Variants in DSCAM observed in about 807,000 individuals in gnomAD.
The protein encoded by DSCAM is cell adhesion molecule DSCAM.
DSCAM carries 47 observed loss-of-function variants against 217.7 expected under a neutral mutation model. The ratio of observed to expected loss-of-function variants is 0.22; its 90% CI spans 0.17 to 0.28. The LOEUF (loss-of-function observed/expected upper bound fraction) is 0.28, where lower values mean the gene tolerates loss of function less well. Among genes scored for constraint, DSCAM ranks in the 10% least tolerant of loss-of-function variants. DSCAM has a pLI of 1.00. For synonymous variants in DSCAM, 1,056 were observed against 1,015.3 expected (o/e 1.04, Z -0.76); for missense variants, 2,080 against 2,618.3 (o/e 0.79, Z 4.49).
chr21:40,666,275 T>C (rs2090198457), intron 3 of DSCAM, among the ~76,000 whole-genome samples: 1 of 152,132 alleles, frequency 6.6e-6, no homozygotes, highest in African/African-American at 2.4e-5. Context: ...TGCCCAGCCC[T>C]GAGATGAGTG....
chr21:40,213,489 C>T lies in DSCAM; in HGVS notation c.2357-24251G>A, dbSNP rs576143494. Among the ~76,000 whole-genome samples, 3 of 152,354 alleles carry T rather than the reference C, an allele frequency of 2.0e-5. No homozygotes were observed. The East Asian group carries it at 5.8e-4, about 29-fold the overall frequency. ...GGAAGTCTTGTTTCCACCATAATTG[C>T]TAATTGCTTACCTACATGTGACCTG... On this transcript the variant is annotated intron_variant, in intron 11 of 32. Coordinates refer to ENST00000400454, the MANE Select transcript of DSCAM (RefSeq NM_001389.5).
intron 11 of DSCAM, among the ~76,000 whole-genome samples, chr21:40,259,662 T>C (rs1450599789): frequency 1.8e-5 from 1 of 55,006 alleles, no homozygotes; most frequent in Non-Finnish European, 2.9e-5. Flanking sequence ...TCAGCCATTC[T>C]TTTTTTTTTT....
intron 11 of DSCAM, among the ~76,000 whole-genome samples, chr21:40,201,213 G>A (rs975225458): frequency 2.6e-5 from 4 of 152,128 alleles, no homozygotes; most frequent in African/African-American, 9.7e-5. Flanking sequence ...GGGGAAAGAC[G>A]AAGAACATTT....
chr21:40,668,798 G>A (rs1233980661), intron 3 of DSCAM, among the ~76,000 whole-genome samples: 3 of 152,094 alleles, frequency 2.0e-5, no homozygotes, highest in Non-Finnish European at 2.9e-5. Flanking sequence ...TTTCCTGGAA[G>A]ATGAGATCAC....
chr21:40,840,312 G>A (rs980274), intron 1 of DSCAM, among the ~76,000 whole-genome samples: 55,848 of 152,008 alleles, frequency 0.37, 10,466 homozygotes, highest in African/African-American at 0.45. Context: ...GCCTGAGAAA[G>A]TAAGCTTTGT....
At chr21:40,533,616 T>TTCAA (rs1555852323) in intron 3 of DSCAM, among the ~76,000 whole-genome samples, 1 of 141,112 alleles carries the variant, frequency 7.1e-6, no homozygotes, top group Non-Finnish European at 1.5e-5. Context: ...CATCCATCCA[T>TTCAA]CCATCCATCC....
intron 14 of DSCAM, among the ~76,000 whole-genome samples, chr21:40,182,516 G>A (rs1431550268): frequency 6.6e-6 from 1 of 151,528 alleles, no homozygotes; most frequent in Non-Finnish European, 1.5e-5. Flanking sequence ...AGGCACCGGA[G>A]AAACTGTGGA....
rs559738382 is a variant in DSCAM, at chr21:40,287,059, GTGTGATCTGCA to G, written c.2182+8985_2182+8995del. 2.0e-4 allele frequency among the ~76,000 whole-genome samples: 30 copies of G among 149,428 alleles called. No individual in the cohort carries two copies. The South Asian group carries it at 6.2e-3, about 31-fold the overall frequency. ...CAGTGTGATCACAGTGTGATCTGCAGTGTGATCTGCAGGTGATCTGCAATGTCATCCACGGT... is the reference window on the plus strand; with the variant it reads ...CAGTGTGATCACAGTGTGATCTGCAGGGTGATCTGCAATGTCATCCACGGT... On this transcript the variant is annotated intron_variant, in intron 10 of 32. Transcript: ENST00000400454.
intron 21 of DSCAM, among the ~76,000 whole-genome samples, chr21:40,091,865 A>ATGT (rs2089614542): frequency 6.6e-6 from 1 of 152,132 alleles, no homozygotes; most frequent in Admixed American, 6.5e-5. Context: ...AGCACAGGAA[A>ATGT]GACCTGCTCC....
chr21:40,376,722 CA>C (rs1569093328), intron 3 of DSCAM, among the ~76,000 whole-genome samples: 1 of 140,630 alleles, frequency 7.1e-6, no homozygotes, highest in African/African-American at 2.6e-5. Context: ...ATCTATATAT[CA>C]TATATATGAT....
intron 1 of DSCAM, among the ~76,000 whole-genome samples, chr21:40,771,165 C>A (rs1237141965): frequency 6.6e-6 from 1 of 152,154 alleles, no homozygotes; most frequent in East Asian, 1.9e-4. Context: ...ACAGGCCACC[C>A]AGCCCACATG....
intron 1 of DSCAM, among the ~76,000 whole-genome samples, chr21:40,738,978 GGGA>G (rs781758267): frequency 7.2e-5 from 11 of 152,190 alleles, no homozygotes; most frequent in Non-Finnish European, 1.3e-4. Flanking sequence ...AGGAAGAAGG[GGGA>G]GCATGAGTTC....
At chr21:40,200,530 AT>A (rs1380882543) in intron 11 of DSCAM, among the ~76,000 whole-genome samples, 2 of 152,144 alleles carry the variant, frequency 1.3e-5, no homozygotes, top group Admixed American at 1.3e-4. Flanking sequence ...TGTACACAGC[AT>A]TTTTTTAATC....
At chr21:40,818,547 C>CAAAAAAAAAAAAAAAAAAAAAAAAAAAA in intron 1 of DSCAM, among the ~76,000 whole-genome samples, 1 of 41,854 alleles carries the variant, frequency 2.4e-5, no homozygotes, top group Non-Finnish European at 5.6e-5. Flanking sequence ...CTCCGTCTCA[C>CAAAAAAAAAAAAAAAAAAAAAAAAAAAA]AAAAAAAAAA....
At chr21:40,051,137 A>C (rs970845864) in intron 30 of DSCAM, among the ~76,000 whole-genome samples, 6 of 152,184 alleles carry the variant, frequency 3.9e-5, no homozygotes, top group African/African-American at 1.4e-4. Context: ...CTATTCTAAG[A>C]ATGTAAATTT....
At chr21:40,287,017 A>G (rs948904584) in intron 10 of DSCAM, among the ~76,000 whole-genome samples, 3 of 151,400 alleles carry the variant, frequency 2.0e-5, no homozygotes, top group East Asian at 3.9e-4. Flanking sequence ...ATCTGCAGGT[A>G]TCTGCGGTGT....
rs542889832 is a variant in DSCAM at position 40,562,359 on chromosome 21, C to T, written c.508+130451G>A. Reference sequence around the variant, plus strand: ...TGTAAGATGTGCCTGCCTCCCCTTCCGCCATGATTGTTAAGTTTCCTGGGG... The same window carrying T: ...TGTAAGATGTGCCTGCCTCCCCTTCTGCCATGATTGTTAAGTTTCCTGGGG... On this transcript the variant is annotated intron_variant, in intron 3 of 32. Transcript: ENST00000400454. Among the ~76,000 whole-genome samples the T allele has an allele frequency of 2.6e-5, 4 of 152,278 alleles. No individual in the cohort carries two copies. In the East Asian group the frequency reaches 5.8e-4, roughly 22 times the overall value.
chr21:40,344,636 A>G (rs1357049341), intron 6 of DSCAM, among the ~76,000 whole-genome samples: 1 of 152,164 alleles, frequency 6.6e-6, no homozygotes, highest in Non-Finnish European at 1.5e-5. Context: ...TGAATCATCT[A>G]CCATTTGTTA....
intron 3 of DSCAM, among the ~76,000 whole-genome samples, chr21:40,614,673 A>G (rs1457442423): frequency 6.6e-6 from 1 of 152,178 alleles, no homozygotes; most frequent in Non-Finnish European, 1.5e-5. Flanking sequence ...GTGACTGCAA[A>G]TAAATGGTAA....
Sources: gnomAD v4.1 joint callset for allele counts (sites outside exome capture counted in the v4.1 genomes callset) on GRCh38, gnomAD v4.1.1 for gene constraint, MANE v1.5 for transcripts, NCBI Gene and HGNC (gene_info 2026-07-23, HGNC 2026-07-21) for gene names.